The following NUDCD3 variants were observed in gnomAD, a reference collection of about 807,000 sequenced individuals.
NUDCD3 encodes the protein NudC domain containing 3.
Under a neutral mutation model 39.7 loss-of-function variants are expected in NUDCD3, and 13 were observed. The ratio of observed to expected loss-of-function variants is 0.33; its 90% CI spans 0.21 to 0.52. The LOEUF (loss-of-function observed/expected upper bound fraction) is 0.52, where lower values mean the gene tolerates loss of function less well. NUDCD3 is among the 20% of genes least tolerant of loss of function. The pLI, the probability that NUDCD3 is intolerant of heterozygous loss-of-function variation, is 0.96. For synonymous variants in NUDCD3, 175 were observed against 172.4 expected (o/e 1.02, Z -0.12); for missense variants, 453 against 458.1 (o/e 0.99, Z 0.10).
chr7:44,465,813 G>A (rs1315227088), intron 2 of NUDCD3, among the ~76,000 whole-genome samples: 1 of 152,066 alleles, frequency 6.6e-6, no homozygotes, highest in Non-Finnish European at 1.5e-5. Context: ...AATTGTTTTT[G>A]ATATATGCAT....
At chr7:44,419,143 G>C (rs1799087602) in intron 3 of NUDCD3, among the ~76,000 whole-genome samples, 1 of 152,168 alleles carries the variant, frequency 6.6e-6, no homozygotes, top group Non-Finnish European at 1.5e-5. Context: ...AATCGAGCTT[G>C]GTGGGGGGAA....
chr7:44,394,602 T>C (rs1798585772), intron 4 of NUDCD3, among the ~76,000 whole-genome samples: 1 of 152,272 alleles, frequency 6.6e-6, no homozygotes, highest in African/African-American at 2.4e-5. Flanking sequence ...ACTTATTTTA[T>C]TAGCGTTCAC....
In NUDCD3 at chr7:44,485,274, G is replaced by C. The variant is rs1396338586; in HGVS notation, c.203C>G (p.Thr68Ser). Residue 68 changes from threonine to serine, a missense_variant, in exon 2 of 6, where the codon ACC becomes AGC. Coordinates refer to ENST00000355451, the MANE Select transcript of NUDCD3 (RefSeq NM_015332.4). Reference protein sequence around the residue: ...AQALVLQVFKTFDHMARQDDE... With the variant: ...AQALVLQVFKSFDHMARQDDE... ...ATCCTGACGGGCCATGTGGTCAAAG[G>C]TTTTGAATACCTAAAATCAAACACC... 6.2e-7 allele frequency: 1 copy of C among 1,608,990 alleles called. No individual in the cohort carries two copies. The highest frequency in any genetic ancestry group is 8.5e-7 in the Non-Finnish European group (1 of 1,176,904).
chr7:44,386,033 G>A lies in NUDCD3; in HGVS notation c.1064C>T (p.Ser355Phe). ...QRFDPAMFNI[S>F]PGAVQF The stretch of plus-strand genomic sequence containing the variant: ...TCATTAAAACTGCACAGCCCCCGGG[G>A]AGATGTTGAACATGGCAGGGTCGAA... The change falls in exon 6 of 6, where the codon TCC (serine) becomes TTC (phenylalanine). Residue 355 changes from serine (S) to phenylalanine (F), a missense_variant. Ser to Phe is a radical substitution (Grantham distance 155). Coordinates refer to ENST00000355451, the MANE Select transcript of NUDCD3 (RefSeq NM_015332.4). 6.4e-7 allele frequency: 1 copy of A among 1,561,130 alleles called. No homozygotes were observed.
rs143353681 is a variant in NUDCD3 at position 44,438,196 on chromosome 7, T to TA, written c.510-10494dup. 2.4e-3 allele frequency among the ~76,000 whole-genome samples: 368 copies of TA among 151,432 alleles called. 2 individuals are homozygous for TA. The highest frequency in any genetic ancestry group is 4.0e-3 in the Non-Finnish European group (268 of 67,792). On this transcript the variant is annotated intron_variant, in intron 2 of 5. Transcript: ENST00000355451. The stretch of plus-strand genomic sequence containing the variant: ...CATAGTGAGAGACCCCCCCATCTCT[T>TA]AAAAAAAAATTCAGAATTATGTAAG...
At chr7:44,480,669 T>G (rs1376065987) in intron 2 of NUDCD3, among the ~76,000 whole-genome samples, 1 of 152,102 alleles carries the variant, frequency 6.6e-6, no homozygotes, top group South Asian at 2.1e-4. Flanking sequence ...TGGCCAGGCA[T>G]GGTGCCTCAC....
rs962208939 is a variant in NUDCD3, at chr7:44,490,639, C to T, written c.-39G>A. The T allele has an allele frequency of 6.5e-7, 1 of 1,540,784 alleles. No homozygotes were observed. The highest frequency in any genetic ancestry group is 1.4e-5 in the African/African-American group (1 of 71,890). ...CTAGGTACGCTTCACACACACAGCG[C>T]CGCCTCAGACCTGCCGACTGGCCAC... On this transcript the variant is annotated 5_prime_UTR_variant, in exon 1 of 6. Coordinates refer to ENST00000355451, the MANE Select transcript of NUDCD3 (RefSeq NM_015332.4).
intron 3 of NUDCD3, chr7:44,426,186 T>C (rs1585070550): frequency 5.1e-6 from 5 of 985,054 alleles, no homozygotes; most frequent in South Asian, 9.4e-5. Context: ...GACCGGGTGT[T>C]TGTAGCTGAA....
intron 2 of NUDCD3, among the ~76,000 whole-genome samples, chr7:44,453,977 A>G (rs1799842507): frequency 6.6e-6 from 1 of 152,148 alleles, no homozygotes; most frequent in South Asian, 2.1e-4. Flanking sequence ...TGGGAAGTCA[A>G]GGCTGCAGTG....
chr7:44,403,599 G>A (rs1798762833), intron 4 of NUDCD3, among the ~76,000 whole-genome samples: 1 of 152,238 alleles, frequency 6.6e-6, no homozygotes, highest in Admixed American at 6.5e-5. Flanking sequence ...GTGAGCCTGA[G>A]AGATAGTTTG....
chr7:44,471,105 C>A (rs1214304745), intron 2 of NUDCD3, among the ~76,000 whole-genome samples: 2 of 152,170 alleles, frequency 1.3e-5, no homozygotes, highest in Non-Finnish European at 2.9e-5. Context: ...AAATGGTACC[C>A]AACAAGTAGA....
intron 2 of NUDCD3, among the ~76,000 whole-genome samples, chr7:44,454,556 G>A (rs961205711): frequency 4.6e-5 from 7 of 152,172 alleles, no homozygotes; most frequent in Non-Finnish European, 8.8e-5. Flanking sequence ...AGCTGCCTCT[G>A]TGACCTGGCA....
chr7:44,429,794 C>A (rs963705360), intron 2 of NUDCD3, among the ~76,000 whole-genome samples: 1 of 151,914 alleles, frequency 6.6e-6, no homozygotes, highest in Non-Finnish European at 1.5e-5. Flanking sequence ...GGATTCCTGA[C>A]TGAATGACAT....
At chr7:44,394,714 C>T (rs545365078) in intron 4 of NUDCD3, among the ~76,000 whole-genome samples, 2 of 152,296 alleles carry the variant, frequency 1.3e-5, no homozygotes, top group African/African-American at 4.8e-5. Flanking sequence ...TTCCAGATTG[C>T]CCAGCATGAA....
Position 44,396,737 on chromosome 7 carries a change from C to T in NUDCD3, c.787-4252G>A, listed in dbSNP as rs145723874. 5.7e-3 allele frequency among the ~76,000 whole-genome samples: 868 copies of T among 152,264 alleles called. 5 individuals carry two copies. The highest frequency in any genetic ancestry group is 0.02 in the African/African-American group (825 of 41,536). On this transcript the variant is annotated intron_variant, in intron 4 of 5. Transcript: ENST00000355451. The stretch of plus-strand genomic sequence containing the variant: ...TTTAACTACTTTCCTTAGAGTAATG[C>T]TTCTGGGAGGCCTCAGATATGACTT...
At chr7:44,428,442 CAA>C (rs1222224525) in intron 2 of NUDCD3, among the ~76,000 whole-genome samples, 1 of 130,580 alleles carries the variant, frequency 7.7e-6, no homozygotes. Flanking sequence ...AAACTCTGCT[CAA>C]AAAAAAAAAA....
At chr7:44,433,220 C>G (rs888441394) in intron 2 of NUDCD3, among the ~76,000 whole-genome samples, 2 of 152,176 alleles carry the variant, frequency 1.3e-5, no homozygotes, top group Admixed American at 6.5e-5. Flanking sequence ...GCTACCCAGG[C>G]TATGCTATTT....
chr7:44,478,930 T>C (rs1014012908), intron 2 of NUDCD3, among the ~76,000 whole-genome samples: 2 of 152,142 alleles, frequency 1.3e-5, no homozygotes, highest in African/African-American at 4.8e-5. Flanking sequence ...TGGGGTAATT[T>C]ATAAAGAAAA....
At chr7:44,419,489 C>G (rs563137447) in intron 3 of NUDCD3, among the ~76,000 whole-genome samples, 4 of 152,200 alleles carry the variant, frequency 2.6e-5, no homozygotes, top group Admixed American at 6.5e-5. Context: ...GCACAGTGCT[C>G]GAGCTCTGCT....
Sources: allele counts gnomAD v4.1 joint callset (sites outside exome capture counted in the v4.1 genomes callset), GRCh38; gene constraint gnomAD v4.1.1; transcripts MANE v1.5; gene names NCBI Gene and HGNC (gene_info 2026-07-23, HGNC 2026-07-21).